CAPZA2: variants seen among roughly 807,000 people sequenced by gnomAD.
The protein encoded by CAPZA2 is F-actin-capping protein subunit alpha-2.
Under a neutral mutation model 44.0 loss-of-function variants are expected in CAPZA2, and 13 were observed. The ratio of observed to expected loss-of-function variants is 0.30; its 90% CI spans 0.19 to 0.47. CAPZA2 has a LOEUF of 0.47. CAPZA2 is among the 20% of genes least tolerant of loss of function. The probability of loss-of-function intolerance (pLI) is 1.00; values close to 1 mark genes in which losing one functional copy is unlikely to be tolerated. For synonymous variants in CAPZA2, 94 were observed against 108.2 expected, an observed-to-expected ratio of 0.87 and a Z score of 0.81; for missense variants, 244 against 338.6, an observed-to-expected ratio of 0.72 and a Z score of 2.19.
At chr7:116,880,630 C>T (rs925636556) in intron 1 of CAPZA2, among the ~76,000 whole-genome samples, 1 of 143,252 alleles carries the variant, frequency 7.0e-6, no homozygotes, top group Non-Finnish European at 1.5e-5. Context: ...CTCCTGACCT[C>T]AAGTGATCCA....
intron 5 of CAPZA2, 128 bp from the exon 6 acceptor site, chr7:116,906,135 A>C: frequency 7.3e-7 from 1 of 1,366,166 alleles, no homozygotes; most frequent in Non-Finnish European, 9.6e-7. Context: ...TATTGGAATG[A>C]TGGCCTACTT....
At chr7:116,890,648 A>G (rs1484417827) in intron 2 of CAPZA2, among the ~76,000 whole-genome samples, 3 of 137,320 alleles carry the variant, frequency 2.2e-5, no homozygotes, top group Admixed American at 7.6e-5. Context: ...TGGGTGGTGC[A>G]TGCCTGGGAA....
chr7:116,904,427 G>A (rs968564001), intron 5 of CAPZA2, 44 bp downstream of exon 5: 4 of 1,206,550 alleles, frequency 3.3e-6, no homozygotes, highest in East Asian at 2.3e-5. Context: ...TTGTGTAAAT[G>A]TGAGTCTTTA....
At chr7:116,916,766 G>T (rs1292829225) in intron 9 of CAPZA2, among the ~76,000 whole-genome samples, 3 of 152,210 alleles carry the variant, frequency 2.0e-5, no homozygotes, top group Non-Finnish European at 4.4e-5. Context: ...CTATTTACCA[G>T]TCAAGCTTCC....
chr7:116,870,355 G>A (rs1167380190), intron 1 of CAPZA2, among the ~76,000 whole-genome samples: 1 of 152,198 alleles, frequency 6.6e-6, no homozygotes, highest in Non-Finnish European at 1.5e-5. Context: ...ACAGGAAAGT[G>A]GGAACAAGCA....
intron 3 of CAPZA2, among the ~76,000 whole-genome samples, chr7:116,895,223 T>G (rs1042396766): frequency 1.3e-5 from 2 of 151,860 alleles, no homozygotes; most frequent in Admixed American, 1.3e-4. Context: ...AATGAGTGGA[T>G]TTTTTTTAAG....
intron 5 of CAPZA2, among the ~76,000 whole-genome samples, chr7:116,905,041 C>A (rs992687889): frequency 6.8e-6 from 1 of 147,224 alleles, no homozygotes; most frequent in African/African-American, 2.5e-5. Context: ...ACTCGGGAGG[C>A]TGAGGCAGAA....
chr7:116,878,995 A>C (rs1380847699), intron 1 of CAPZA2, among the ~76,000 whole-genome samples: 1 of 151,850 alleles, frequency 6.6e-6, no homozygotes, highest in Admixed American at 6.6e-5. Context: ...GCATGGTGGC[A>C]CGTGCCTGTA....
intron 4 of CAPZA2, among the ~76,000 whole-genome samples, chr7:116,903,429 C>T (rs985157026): frequency 6.6e-6 from 1 of 151,496 alleles, no homozygotes; most frequent in East Asian, 1.9e-4. Flanking sequence ...GATTTTATGA[C>T]TATGAAAAAA....
intron 1 of CAPZA2, among the ~76,000 whole-genome samples, chr7:116,886,522 A>T (rs568656820): frequency 6.6e-6 from 1 of 152,252 alleles, no homozygotes; most frequent in African/African-American, 2.4e-5. Flanking sequence ...TTTTCTTTCC[A>T]TTATTTTTAG....
At chr7:116,895,427 C>T (rs544940700) in intron 3 of CAPZA2, among the ~76,000 whole-genome samples, 65 of 152,116 alleles carry the variant, frequency 4.3e-4, no homozygotes, top group Non-Finnish European at 2.8e-4. Context: ...TGAAGATGAG[C>T]TTCATTTCTC....
chr7:116,893,853 C>T (rs568286338), intron 3 of CAPZA2, among the ~76,000 whole-genome samples: 1 of 152,038 alleles, frequency 6.6e-6, no homozygotes, highest in Admixed American at 6.6e-5. Context: ...CACCAGTGAC[C>T]CCAGCCATGA....
chr7:116,890,047 G>A (rs930045669), intron 2 of CAPZA2, among the ~76,000 whole-genome samples: 4 of 152,136 alleles, frequency 2.6e-5, no homozygotes, highest in African/African-American at 9.7e-5. Flanking sequence ...TGGTGAGACT[G>A]CACTAAAGTC....
At chr7:116,904,589 T>TAAATCAA in intron 5 of CAPZA2, 2 of 498,744 alleles carry the variant, frequency 4.0e-6, no homozygotes, top group South Asian at 3.1e-5. Flanking sequence ...GAGAAATGGT[T>TAAATCAA]GTACCTTGAT....
chr7:116,876,596 A>C (rs1253576888), intron 1 of CAPZA2, among the ~76,000 whole-genome samples: 1 of 152,234 alleles, frequency 6.6e-6, no homozygotes, highest in Non-Finnish European at 1.5e-5. Context: ...GAGTATCTGA[A>C]TTCCTTGCTT....
At chr7:116,901,053 A>G (rs1796988294) in intron 4 of CAPZA2, among the ~76,000 whole-genome samples, 1 of 152,084 alleles carries the variant, frequency 6.6e-6, no homozygotes, top group South Asian at 2.1e-4. Context: ...ATGCTTATAC[A>G]CTGTTGGTGG....
At chr7:116,890,525 AATATATATATATATAT>A (rs869031070) in intron 2 of CAPZA2, among the ~76,000 whole-genome samples, 1 of 27,222 alleles carries the variant, frequency 3.7e-5, no homozygotes, top group Non-Finnish European at 6.2e-5. Context: ...AAAAAAAAAA[AATATATATATATATAT>A]ATATATATAT....
chr7:116,912,122 A>G lies in CAPZA2; in HGVS notation c.639A>G (p.Gln213=). The stretch of plus-strand genomic sequence containing the variant: ...AGCTAGTGAGTCATAAAGATATACA[A>G]GATTCCCTAACAGTGTCTGTAAGTA... ...NVQLVSHKDI[Q]DSLTVSNEVQ... is the part of the protein sequence containing the mutation. Residue 213 remains glutamine (Q), a synonymous_variant, in exon 8 of 10, where the codon CAA becomes CAG. Coordinates refer to ENST00000361183, the MANE Select transcript of CAPZA2 (RefSeq NM_006136.3). 1 of 1,613,028 alleles carries G rather than the reference A, an allele frequency of 6.2e-7. No homozygotes were observed. Among genetic ancestry groups the G allele is most frequent in the Middle Eastern group, 1.7e-4 (1 of 6,032 alleles).
intron 4 of CAPZA2, among the ~76,000 whole-genome samples, chr7:116,901,206 A>G (rs1210591546): frequency 6.6e-6 from 1 of 152,156 alleles, no homozygotes; most frequent in African/African-American, 2.4e-5. Context: ...AAACATGCTC[A>G]CATATGTTCA....
Sources: allele counts gnomAD v4.1 joint callset (sites outside exome capture counted in the v4.1 genomes callset), GRCh38; gene constraint gnomAD v4.1.1; transcripts MANE v1.5; gene names NCBI Gene and HGNC (gene_info 2026-07-23, HGNC 2026-07-21).